Variants in BCR observed in about 807,000 individuals in gnomAD.
BCR encodes the protein breakpoint cluster region protein.
Under a neutral mutation model 138.6 loss-of-function variants are expected in BCR, and 58 were observed. The ratio of observed to expected loss-of-function variants is 0.42; its 90% confidence interval spans 0.34 to 0.52. BCR has a LOEUF of 0.52. Ranked by LOEUF, BCR falls within the 20% of genes least tolerant of loss-of-function variation. The pLI is 0.06. For synonymous variants in BCR, 786 were observed against 730.1 expected (o/e 1.08, Z -1.23); for missense variants, 1,599 against 1,727.2 (o/e 0.93, Z 1.32).
At chr22:23,254,149 C>T (rs2073266353) in intron 2 of BCR, among the ~76,000 whole-genome samples, 169 bp downstream of exon 2, 1 of 152,126 alleles carries the variant, frequency 6.6e-6, no homozygotes, top group Non-Finnish European at 1.5e-5. Flanking sequence ...CACAGACAGC[C>T]TGCCAGATGT....
intron 16 of BCR, among the ~76,000 whole-genome samples, chr22:23,297,232 TTTTTTC>T (rs1313856470): frequency 2.9e-5 from 4 of 140,130 alleles, no homozygotes; most frequent in Non-Finnish European, 4.6e-5. Context: ...TTTTTTTTTT[TTTTTTC>T]GAGACAGAGT....
intron 1 of BCR, among the ~76,000 whole-genome samples, chr22:23,206,719 A>G (rs1013089798): frequency 3.3e-5 from 5 of 152,276 alleles, no homozygotes; most frequent in Admixed American, 2.0e-4. Flanking sequence ...CTTATTTCCT[A>G]GCAGCAGATG....
chr22:23,257,290 C>T (rs1198912185), intron 2 of BCR, among the ~76,000 whole-genome samples: 1 of 152,230 alleles, frequency 6.6e-6, no homozygotes, highest in Non-Finnish European at 1.5e-5. Context: ...TGAGCGGCCC[C>T]GCCCTTCAGA....
intron 2 of BCR, chr22:23,254,524 T>A (rs1279492625): frequency 1.9e-6 from 1 of 518,764 alleles, no homozygotes; most frequent in Non-Finnish European, 3.8e-6. Flanking sequence ...AGCGGCACAT[T>A]CAGTAGATGC....
intron 4 of BCR, chr22:23,263,504 T>A: frequency 1.3e-6 from 2 of 1,571,986 alleles, no homozygotes; most frequent in Non-Finnish European, 1.8e-6. Flanking sequence ...TAGAGGATGA[T>A]GCTTTGTACA....
rs576171131 is a variant in BCR at position 23,305,634 on chromosome 22, A to G, written c.3013-3790A>G. Among the ~76,000 whole-genome samples the G allele has an allele frequency of 5.3e-5, 8 of 152,238 alleles. No homozygotes were observed. The East Asian group carries it at 1.4e-3, about 26-fold the overall frequency. The stretch of plus-strand genomic sequence containing the variant: ...CACCACTTCCCTGGGATGGATGTGC[A>G]CGATAGTTTTCTAGGCAGACCTCTA... On this transcript the variant is annotated intron_variant, in intron 16 of 22. Coordinates refer to ENST00000305877, the MANE Select transcript of BCR (RefSeq NM_004327.4).
In BCR at chr22:23,312,924, C is replaced by T. The variant is rs777539973; in HGVS notation, c.3360C>T (p.Asp1120=). The T allele has an allele frequency of 2.3e-5, 37 of 1,591,960 alleles. No individual in the cohort carries two copies. Among genetic ancestry groups the T allele is most frequent in the Admixed American group, 6.7e-5 (4 of 59,988 alleles). Residue 1120 remains aspartate, a synonymous_variant, in exon 20 of 23, where the codon GAC becomes GAT. Transcript: ENST00000305877. ...TGTCGGTGATGATGAGCGAGATGGA[C>T]GTGAACGCCATCGCAGGCACGCTGA... The part of the protein sequence containing the change: ...KDVSVMMSEM[D]VNAIAGTLKL...
At chr22:23,307,158 T>C (rs1470533833) in intron 16 of BCR, among the ~76,000 whole-genome samples, 3 of 152,208 alleles carry the variant, frequency 2.0e-5, no homozygotes, top group African/African-American at 4.8e-5. Context: ...TGCAATGGCA[T>C]GATCATGGCT....
chr22:23,182,899 TG>T (rs1353023203), intron 1 of BCR, among the ~76,000 whole-genome samples: 1 of 152,152 alleles, frequency 6.6e-6, no homozygotes, highest in Non-Finnish European at 1.5e-5. Flanking sequence ...AGATTTTATC[TG>T]GGGGTGAAGC....
intron 4 of BCR, chr22:23,262,842 G>A (rs551370763): frequency 2.1e-5 from 22 of 1,037,382 alleles, no homozygotes; most frequent in Admixed American, 1.6e-4. Flanking sequence ...GAAGCAGGGC[G>A]GAAGGGAAGC....
intron 1 of BCR, among the ~76,000 whole-genome samples, chr22:23,232,838 G>A (rs1226129374): frequency 6.6e-6 from 1 of 152,220 alleles, no homozygotes; most frequent in African/African-American, 2.4e-5. Context: ...ATGTGGTCAG[G>A]CCAGACCATG....
At chr22:23,245,597 G>C (rs1463363589) in intron 1 of BCR, among the ~76,000 whole-genome samples, 1 of 152,142 alleles carries the variant, frequency 6.6e-6, no homozygotes, top group Non-Finnish European at 1.5e-5. Context: ...GATGCAAGAA[G>C]GGGCAGCTGC....
chr22:23,297,901 T>C (rs1207518754), intron 16 of BCR, among the ~76,000 whole-genome samples: 1 of 152,210 alleles, frequency 6.6e-6, no homozygotes, highest in African/African-American at 2.4e-5. Flanking sequence ...TCTGCAATGC[T>C]ACTGAAGTAT....
intron 17 of BCR, chr22:23,309,968 C>G (rs2073989497): frequency 2.6e-6 from 1 of 383,348 alleles, no homozygotes; most frequent in Non-Finnish European, 4.9e-6. Flanking sequence ...CACAGTGCAC[C>G]TATAGTCTCA....
chr22:23,263,933 C>T, intron 4 of BCR: 1 of 930,148 alleles, frequency 1.1e-6, no homozygotes, highest in East Asian at 2.4e-5. Flanking sequence ...ACTTCTCACC[C>T]CTGAAAATCT....
intron 1 of BCR, among the ~76,000 whole-genome samples, chr22:23,237,776 C>T (rs1349271541): frequency 6.6e-6 from 1 of 152,218 alleles, no homozygotes; most frequent in Non-Finnish European, 1.5e-5. Context: ...ACCAGATTGC[C>T]ATGCTAGGGT....
At chr22:23,200,448 G>A (rs892705502) in intron 1 of BCR, among the ~76,000 whole-genome samples, 2 of 151,994 alleles carry the variant, frequency 1.3e-5, no homozygotes, top group African/African-American at 4.8e-5. Context: ...TCAAGTAGCT[G>A]GGACTACAGG....
intron 19 of BCR, 75 bp downstream of exon 19, chr22:23,311,911 T>G (rs897354156): frequency 6.3e-7 from 1 of 1,578,208 alleles, no homozygotes; most frequent in Middle Eastern, 2.3e-4. Context: ...GAGTGCTCCA[T>G]GGCCCAGGCA....
intron 8 of BCR, among the ~76,000 whole-genome samples, chr22:23,280,802 G>T (rs796267026): frequency 3.3e-5 from 5 of 152,146 alleles, no homozygotes; most frequent in African/African-American, 4.8e-5. Context: ...CCTGGGATGT[G>T]GGGGGGCTCC....
Sources: gnomAD v4.1 joint callset for allele counts (sites outside exome capture counted in the v4.1 genomes callset) on GRCh38, gnomAD v4.1.1 for gene constraint, MANE v1.5 for transcripts, NCBI Gene and HGNC (gene_info 2026-07-23, HGNC 2026-07-21) for gene names.